Variants in FAM171A1 observed in about 807,000 individuals in gnomAD.
FAM171A1 encodes family with sequence similarity 171 member A1.
FAM171A1 carries 23 observed loss-of-function variants against 74.9 expected under a neutral mutation model. The ratio of observed to expected loss-of-function variants is 0.31; its 90% CI spans 0.22 to 0.44. The LOEUF is 0.44. FAM171A1 is among the 20% of genes least tolerant of loss of function. The pLI is 1.00. For missense variants in FAM171A1, 1,162 were observed against 1,159.2 expected (o/e 1.00, Z -0.03); for synonymous variants, 527 against 505.7 (o/e 1.04, Z -0.57).
At chr10:15,250,804 T>C (rs1403399003) in intron 4 of FAM171A1, among the ~76,000 whole-genome samples, 8 of 152,100 alleles carry the variant, frequency 5.3e-5, no homozygotes. Context: ...AGACATTAAA[T>C]AATTTACTAG....
rs185793814 is a variant in FAM171A1, at chr10:15,272,440, T to C, written c.418+3415A>G. 5.8e-4 allele frequency among the ~76,000 whole-genome samples: 88 copies of C among 152,184 alleles called. 1 individual carries two copies. Among genetic ancestry groups the C allele is most frequent in the South Asian group, 4.1e-4 (2 of 4,820 alleles). On this transcript the variant is annotated intron_variant, in intron 3 of 7. Coordinates refer to ENST00000378116, the MANE Select transcript of FAM171A1 (RefSeq NM_001010924.2). Reference sequence around the variant, plus strand: ...AGTCTTAGACTCCCACACAATAATATTGGGAGACTTTAACACCCCACTGTC... The same window carrying C: ...AGTCTTAGACTCCCACACAATAATACTGGGAGACTTTAACACCCCACTGTC...
chr10:15,213,043 TG>T lies in FAM171A1; in HGVS notation c.2544del (p.Ser849AlafsTer36), dbSNP rs1167663572. 6.2e-7 allele frequency: 1 copy of T among 1,614,006 alleles called. No homozygotes were observed. On this transcript the variant is annotated frameshift_variant, in exon 8 of 8. Coordinates refer to ENST00000378116, the MANE Select transcript of FAM171A1 (RefSeq NM_001010924.2). LOFTEE classifies it high-confidence loss of function. The surrounding 1 kb of genome is among the most constrained non-coding windows in gnomAD (Gnocchi z 6.8). ...RTADAPSEPAASPHQRRSAHE... is the reference protein window; with the variant it reads ...RTADAPSEPAXSPHQRRSAHE... ...TGGGCAGATCTTCTCTGGTGGGGGC[TG>T]GCTGCTGGCTCCGAGGGGGCATCCG...
intron 1 of FAM171A1, among the ~76,000 whole-genome samples, chr10:15,364,320 C>G (rs1836033100): frequency 6.6e-6 from 1 of 152,134 alleles, no homozygotes; most frequent in Non-Finnish European, 1.5e-5. Context: ...CCACAGCCCA[C>G]TTTTCCTTCC....
intron 1 of FAM171A1, among the ~76,000 whole-genome samples, chr10:15,369,729 T>C (rs1336646536): frequency 6.6e-6 from 1 of 152,144 alleles, no homozygotes; most frequent in Non-Finnish European, 1.5e-5. Flanking sequence ...AGCCCGGGCG[T>C]CTCTGCTCCC....
intron 1 of FAM171A1, among the ~76,000 whole-genome samples, chr10:15,303,767 TCA>T (rs1835260989): frequency 6.6e-6 from 1 of 152,204 alleles, no homozygotes; most frequent in African/African-American, 2.4e-5. Context: ...TACCAAATAA[TCA>T]CTTGGCTCAG....
intron 6 of FAM171A1, among the ~76,000 whole-genome samples, chr10:15,216,563 T>C (rs1833969486): frequency 6.6e-6 from 1 of 152,142 alleles, no homozygotes; most frequent in Non-Finnish European, 1.5e-5. Context: ...CCAGCATAGC[T>C]GGGACTACAG....
At chr10:15,268,215 T>C (rs1254967423) in intron 3 of FAM171A1, among the ~76,000 whole-genome samples, 1 of 152,142 alleles carries the variant, frequency 6.6e-6, no homozygotes. Flanking sequence ...TTATTCCAAG[T>C]ACAATGGGAA....
At chr10:15,218,780 G>T (rs1266769113) in intron 6 of FAM171A1, among the ~76,000 whole-genome samples, 2 of 152,054 alleles carry the variant, frequency 1.3e-5, no homozygotes, top group Non-Finnish European at 2.9e-5. Flanking sequence ...AATTTTTTTA[G>T]AAGTGGGGTC....
chr10:15,308,588 C>T (rs1044147388), intron 1 of FAM171A1, among the ~76,000 whole-genome samples: 4 of 151,996 alleles, frequency 2.6e-5, no homozygotes, highest in African/African-American at 9.7e-5. Flanking sequence ...CTCAGCCTCC[C>T]GAGTGCAGAT....
intron 3 of FAM171A1, among the ~76,000 whole-genome samples, chr10:15,263,784 T>TATCA (rs1384089750): frequency 6.7e-5 from 10 of 149,764 alleles, no homozygotes; most frequent in African/African-American, 2.0e-4. Context: ...TCTATCTATC[T>TATCA]ATCATCTATC....
intron 2 of FAM171A1, among the ~76,000 whole-genome samples, chr10:15,279,521 T>C (rs1834939444): frequency 1.4e-5 from 1 of 70,754 alleles, no homozygotes; most frequent in African/African-American, 3.3e-5. Context: ...CCAAGTAGAT[T>C]TTTTTTTTTT....
chr10:15,234,657 CTT>C (rs112414673), intron 5 of FAM171A1, among the ~76,000 whole-genome samples: 6 of 143,642 alleles, frequency 4.2e-5, no homozygotes, highest in Admixed American at 7.0e-5. Context: ...ATGTACTTTT[CTT>C]TTTTTTTTTT....
chr10:15,229,630 TCACCATCATCAC>T (rs1834163463), intron 5 of FAM171A1, among the ~76,000 whole-genome samples: 1 of 106,194 alleles, frequency 9.4e-6, no homozygotes, highest in African/African-American at 3.4e-5. Context: ...GTCACCCCCA[TCACCATCATCAC>T]CATCACCATC....
At chr10:15,244,796 C>T (rs566885707) in intron 5 of FAM171A1, among the ~76,000 whole-genome samples, 109 of 152,168 alleles carry the variant, frequency 7.2e-4, no homozygotes, top group African/African-American at 2.5e-3. Flanking sequence ...GTAACTGGCA[C>T]CCGCATACCG....
intron 1 of FAM171A1, among the ~76,000 whole-genome samples, chr10:15,298,385 C>G (rs1411291967): frequency 6.6e-6 from 1 of 152,142 alleles, no homozygotes; most frequent in Non-Finnish European, 1.5e-5. Flanking sequence ...CCGCCTGCCT[C>G]GGCCTCCCAA....
chr10:15,276,927 C>G (rs1834902618), intron 2 of FAM171A1, among the ~76,000 whole-genome samples: 1 of 152,108 alleles, frequency 6.6e-6, no homozygotes, highest in Non-Finnish European at 1.5e-5. Flanking sequence ...CTCAAGCAAT[C>G]CTTCCCACCT....
At chr10:15,226,593 G>C (rs552185930) in intron 5 of FAM171A1, among the ~76,000 whole-genome samples, 1 of 152,162 alleles carries the variant, frequency 6.6e-6, no homozygotes, top group South Asian at 2.1e-4. Flanking sequence ...GCCAAAACTT[G>C]AAAAGGCCAT....
At chr10:15,233,327 T>C (rs1437592290) in intron 5 of FAM171A1, among the ~76,000 whole-genome samples, 1 of 151,970 alleles carries the variant, frequency 6.6e-6, no homozygotes, top group Non-Finnish European at 1.5e-5. Flanking sequence ...AAAAAAACAT[T>C]TTTTTTCCCT....
chr10:15,316,868 A>G (rs1278330098), intron 1 of FAM171A1, among the ~76,000 whole-genome samples: 2 of 152,294 alleles, frequency 1.3e-5, no homozygotes, highest in South Asian at 2.1e-4. Flanking sequence ...TTTTACTTTA[A>G]AAGATTTATT....
Sources: gnomAD v4.1 joint callset for allele counts (sites outside exome capture counted in the v4.1 genomes callset) on GRCh38, gnomAD v4.1.1 for gene constraint, Gnocchi (gnomAD v3.1) non-coding constraint, MANE v1.5 for transcripts, NCBI Gene and HGNC (gene_info 2026-07-23, HGNC 2026-07-21) for gene names.